The following PRAMEF1 variants were observed in gnomAD, a reference collection of about 807,000 sequenced individuals.
PRAMEF1 encodes the protein PRAME family member 1.
In PRAMEF1, 21 loss-of-function variants were observed where a neutral mutation model predicts 38.2. The ratio of observed to expected loss-of-function variants is 0.55; its 90% confidence interval spans 0.39 to 0.79. The LOEUF (loss-of-function observed/expected upper bound fraction) is 0.79. Among genes scored for constraint, PRAMEF1 ranks in the 30% least tolerant of loss-of-function variants. PRAMEF1 has a pLI of 0.00. For missense variants in PRAMEF1, 497 were observed against 565.8 expected (o/e 0.88, Z 1.23); for synonymous variants, 200 against 229.0 (o/e 0.87, Z 1.14).
chr1:12,795,559 G>T lies in PRAMEF1; in HGVS notation c.988G>T (p.Val330Leu), dbSNP rs781714395. The change falls in exon 4 of 4, where the codon GTG (valine) becomes TTG (leucine). Residue 330 changes from valine (V) to leucine (L), a missense_variant. Physicochemically the swap from Val to Leu is conservative, Grantham distance 32. Transcript: ENST00000332296. The stretch of plus-strand genomic sequence containing the variant: ...CCTAAAGCATCTGAATCTCAGCTAC[G>T]TGCTGCTGTTCCGCATCAGTCTTGA... The part of the protein sequence containing the change: ...GYLKHLNLSY[V>L]LLFRISLEPL... 15 of 1,612,314 alleles carry T rather than the reference G, an allele frequency of 9.3e-6. No homozygotes were observed. The highest frequency in any genetic ancestry group is 1.3e-5 in the African/African-American group (1 of 74,736).
At position 12,794,068 on chromosome 1, in the gene PRAMEF1, A is replaced by T. The variant is rs745441933; in HGVS notation, c.441A>T (p.Leu147Phe). 2 of 1,606,636 alleles carry T rather than the reference A, an allele frequency of 1.2e-6. No individual in the cohort carries two copies. The highest frequency in any genetic ancestry group is 1.7e-6 in the Non-Finnish European group (2 of 1,176,964). Residue 147 changes from leucine to phenylalanine, a missense_variant, in exon 3 of 4, where the codon TTA becomes TTT. Physicochemically the swap from Leu to Phe is conservative, Grantham distance 22. Transcript: ENST00000332296. ...DCPRMGEHQP[L>F]KVFIDICLKE... is the part of the protein sequence containing the mutation. ...CAAGGATGGGAGAGCACCAGCCCTT[A>T]AAGGTGTTCATAGACATCTGCCTCA...
At position 12,794,237 on chromosome 1, in the gene PRAMEF1, C is replaced by G. The variant is rs1063767; in HGVS notation, c.610C>G (p.Leu204Val). 1.7e-5 allele frequency: 28 copies of G among 1,611,520 alleles called. No homozygotes were observed. The highest frequency in any genetic ancestry group is 1.6e-4 in the Middle Eastern group (1 of 6,064). ...YLRKSLKIIY[L>V]NSIQELEIRN... Reference sequence around the variant, plus strand: ...CAGAAAGTCATTGAAAATAATATACCTGAATAGTATTCAAGAGCTGGAAAT... The same window carrying G: ...CAGAAAGTCATTGAAAATAATATACGTGAATAGTATTCAAGAGCTGGAAAT... The change falls in exon 3 of 4, where the codon CTG becomes GTG. Residue 204 changes from leucine to valine, a missense_variant. This residue lies in a region of PRAMEF1 where 470 missense variants were observed against 501.9 expected (regional missense o/e 0.94). Coordinates refer to ENST00000332296, the MANE Select transcript of PRAMEF1 (RefSeq NM_023013.4).
At position 12,792,016 on chromosome 1, in the gene PRAMEF1, C is replaced by T. The variant is rs145143799; in HGVS notation, c.-26+542C>T. ...CTAGAATAGCATGGTAGCACTTTTA[C>T]GGTTTCTGGTTAATTTTTTTTTTCA... On this transcript the variant is annotated intron_variant, in intron 1 of 3. Transcript: ENST00000332296. Among the ~76,000 whole-genome samples the T allele has an allele frequency of 3.5e-3, 521 of 150,978 alleles. 13 individuals are homozygous for T. Among genetic ancestry groups the T allele is most frequent in the African/African-American group, 0.011 (465 of 41,244 alleles).
rs1254537251 is a variant in PRAMEF1, at chr1:12,793,973, T to C, written c.346T>C (p.Trp116Arg). The change falls in exon 3 of 4, where the codon TGG becomes CGG. Residue 116 changes from tryptophan (W) to arginine (R), a missense_variant. By Grantham distance (101) the Trp-to-Arg change is moderately radical. This residue lies in a region of PRAMEF1 where 470 missense variants were observed against 501.9 expected (regional missense o/e 0.94). Transcript: ENST00000332296. ...RDVDENFWAR[W>R]PGAWALSCFP... The stretch of plus-strand genomic sequence containing the variant: ...TGTTGACGAGAATTTCTGGGCCAGA[T>C]GGCCTGGAGCCTGGGCCCTGTCCTG... 4 of 1,608,826 alleles carry C rather than the reference T, an allele frequency of 2.5e-6. No individual in the cohort carries two copies. Among genetic ancestry groups the C allele is most frequent in the East Asian group, 2.2e-5 (1 of 44,472 alleles).
chr1:12,794,112 A>G lies in PRAMEF1; in HGVS notation c.485A>G (p.Glu162Gly), dbSNP rs2100299183. Residue 162 changes from glutamate to glycine, a missense_variant, in exon 3 of 4, where the codon GAA becomes GGA. Transcript: ENST00000332296. ...TGCCTCAAGGAAATACCCCAGGATG[A>G]ATGCCTGAGATACCTCTTCCAGTGG... ...DICLKEIPQD[E>G]CLRYLFQWVY... is the part of the protein sequence containing the mutation. 1 of 1,609,928 alleles carries G rather than the reference A, an allele frequency of 6.2e-7. No homozygotes were observed. The highest frequency in any genetic ancestry group is 2.2e-5 in the East Asian group (1 of 44,596).
rs1461210570 is a variant in PRAMEF1, at chr1:12,794,935, C to G, written c.866+442C>G. On this transcript the variant is annotated intron_variant, in intron 3 of 3. Coordinates refer to ENST00000332296, the MANE Select transcript of PRAMEF1 (RefSeq NM_023013.4). Reference sequence around the variant, plus strand: ...CACGAATGATCCTGTCTCTGATTCCCTGTTTGTAAAAGGTTGTTTTGAACT... The same window carrying G: ...CACGAATGATCCTGTCTCTGATTCCGTGTTTGTAAAAGGTTGTTTTGAACT... 3 of 1,324,800 alleles carry G rather than the reference C, an allele frequency of 2.3e-6. 1 individual carries two copies. In the East Asian group the frequency reaches 1.5e-4, roughly 68 times the overall value. The allele number at this position is 1,324,800 out of a possible 1,614,324, so 82.1% of individuals were successfully genotyped here. A position where few individuals can be genotyped will look rare whatever the true frequency, so the allele number is the denominator to read the frequency against.
chr1:12,794,840 T>C, intron 3 of PRAMEF1: 1 of 1,332,632 alleles, frequency 7.5e-7, no homozygotes, highest in Non-Finnish European at 9.9e-7. Context: ...GAGGAGGGTA[T>C]GAAAGGAGGG....
chr1:12,793,777 G>A (rs1444347466), intron 2 of PRAMEF1, 138 bp from the exon 3 acceptor site: 2 of 1,413,634 alleles, frequency 1.4e-6, no homozygotes, highest in Non-Finnish European at 1.9e-6. Flanking sequence ...AGAATCAAAA[G>A]GGAACAGGGA....
chr1:12,795,923 T>C lies in PRAMEF1; in HGVS notation c.1352T>C (p.Phe451Ser). Reference protein sequence around the residue: ...LREVRQPKRIFIGPTPCPSCG... With the variant: ...LREVRQPKRISIGPTPCPSCG... ...GAAGTCAGGCAGCCCAAGAGGATCT[T>C]CATTGGCCCCACCCCCTGCCCTTCC... Residue 451 changes from phenylalanine (F) to serine (S), a missense_variant, in exon 4 of 4, where the codon TTC (phenylalanine) becomes TCC (serine). Around this residue, in one of 2 missense-constraint regions of PRAMEF1, gnomAD observed 27 missense variants for 63.9 expected, o/e 0.42. Coordinates refer to ENST00000332296, the MANE Select transcript of PRAMEF1 (RefSeq NM_023013.4). 1.2e-6 allele frequency: 2 copies of C among 1,610,890 alleles called. No individual in the cohort carries two copies. The highest frequency in any genetic ancestry group is 1.7e-6 in the Non-Finnish European group (2 of 1,179,640).
chr1:12,794,331 G>T lies in PRAMEF1; in HGVS notation c.704G>T (p.Arg235Leu), dbSNP rs767221045. ...TACCTGAAGGAGATGAAGAATCTTC[G>T]CAAACTCGTTTTCTCCAGGTGCCAT... ...RCYLKEMKNL[R>L]KLVFSRCHHY... The change falls in exon 3 of 4, where the codon CGC becomes CTC. Residue 235 changes from arginine to leucine, a missense_variant. Physicochemically the swap from Arg to Leu is moderately radical, Grantham distance 102. Around this residue, in one of 2 missense-constraint regions of PRAMEF1, gnomAD observed 470 missense variants for 501.9 expected, o/e 0.94. Transcript: ENST00000332296. 1 of 1,611,988 alleles carries T rather than the reference G, an allele frequency of 6.2e-7. No homozygotes were observed. Among genetic ancestry groups the T allele is most frequent in the Non-Finnish European group, 8.5e-7 (1 of 1,179,058 alleles).
chr1:12,791,716 A>C lies in PRAMEF1; in HGVS notation c.-26+242A>C, dbSNP rs534913291. ...CAGGTTTTTTAAAAATATATTAAAA[A>C]TTTACAGTGACATGAATTTTTATTT... is the stretch of plus-strand genomic sequence containing the variant. On this transcript the variant is annotated intron_variant, in intron 1 of 3. Coordinates refer to ENST00000332296, the MANE Select transcript of PRAMEF1 (RefSeq NM_023013.4). Among the ~76,000 whole-genome samples, 1,509 of 151,208 alleles carry C rather than the reference A, an allele frequency of 1.0e-2. 18 individuals are homozygous for C. The highest frequency in any genetic ancestry group is 0.015 in the Non-Finnish European group (991 of 67,674).
chr1:12,793,442 C>T lies in PRAMEF1; in HGVS notation c.215C>T (p.Thr72Met), dbSNP rs149382773. 2.3e-5 allele frequency: 37 copies of T among 1,609,708 alleles called. 1 individual carries two copies. Among genetic ancestry groups the T allele is most frequent in the South Asian group, 9.9e-5 (9 of 90,502 alleles). Residue 72 changes from threonine to methionine, a missense_variant, in exon 2 of 4, where the codon ACG becomes ATG. Coordinates refer to ENST00000332296, the MANE Select transcript of PRAMEF1 (RefSeq NM_023013.4). The stretch of plus-strand genomic sequence containing the variant: ...CTCCCTCTGGGATCACTGATGAAGA[C>T]GCTTCATTTGGAGACCTTAAAAGCA... ...TCLPLGSLMKTLHLETLKALL... is the reference protein window; with the variant it reads ...TCLPLGSLMKMLHLETLKALL...
chr1:12,794,483 C>G lies in PRAMEF1; in HGVS notation c.856C>G (p.Gln286Glu), dbSNP rs890309382. 3.7e-6 allele frequency: 6 copies of G among 1,610,082 alleles called. No homozygotes were observed. Among genetic ancestry groups the G allele is most frequent in the African/African-American group, 2.7e-5 (2 of 74,706 alleles). ...LITFFSGHLE[Q>E]LIRCLQNPLE... The stretch of plus-strand genomic sequence containing the variant: ...CACCTTCTTCAGTGGGCACCTGGAA[C>G]AGCTGATCAGGTGAGAAAGGATCAT... The change falls in exon 3 of 4, where the codon CAG (glutamine) becomes GAG (glutamate). Residue 286 changes from glutamine (Q) to glutamate (E), a missense_variant. Gln to Glu is a conservative substitution (Grantham distance 29, BLOSUM62 2). Around this residue, in one of 2 missense-constraint regions of PRAMEF1, gnomAD observed 470 missense variants for 501.9 expected, o/e 0.94. Transcript: ENST00000332296.
In PRAMEF1 at chr1:12,794,383, A is replaced by G. The variant is rs1446404664; in HGVS notation, c.756A>G (p.Glu252=). The part of the protein sequence containing the change: ...CHHYTSDNEL[E]GRLVAKFSSV... ...ATTACACGTCAGATAATGAACTCGA[A>G]GGACGGTTAGTTGCCAAATTCAGCT... is the stretch of plus-strand genomic sequence containing the variant. Residue 252 remains glutamate, a synonymous_variant, in exon 3 of 4, where the codon GAA becomes GAG. Coordinates refer to ENST00000332296, the MANE Select transcript of PRAMEF1 (RefSeq NM_023013.4). 3.7e-6 allele frequency: 6 copies of G among 1,611,460 alleles called. No individual in the cohort carries two copies. The highest frequency in any genetic ancestry group is 2.2e-5 in the East Asian group (1 of 44,564).
chr1:12,792,609 G>A (rs2359501), intron 1 of PRAMEF1, among the ~76,000 whole-genome samples: 1 of 150,788 alleles, frequency 6.6e-6, no homozygotes. Context: ...CAGAGTCCAA[G>A]TCTGTCACCC....
chr1:12,791,639 A>C (rs377532694), intron 1 of PRAMEF1, among the ~76,000 whole-genome samples, 165 bp downstream of exon 1: 52 of 147,618 alleles, frequency 3.5e-4, no homozygotes, highest in South Asian at 1.1e-3. Flanking sequence ...GTCTTCATCC[A>C]TCAAATTGTG....
In PRAMEF1 at chr1:12,796,161, G is replaced by T; in HGVS notation, c.*165G>T. Reference sequence around the variant, plus strand: ...AGACAATTTGAGACAGGGTTTCGCTGTGTTGCTCCAGCTGGTCTCAAACTG... The same window carrying T: ...AGACAATTTGAGACAGGGTTTCGCTTTGTTGCTCCAGCTGGTCTCAAACTG... On this transcript the variant is annotated 3_prime_UTR_variant, in exon 4 of 4. Coordinates refer to ENST00000332296, the MANE Select transcript of PRAMEF1 (RefSeq NM_023013.4). 1 of 1,286,930 alleles carries T rather than the reference G, an allele frequency of 7.8e-7. No individual in the cohort carries two copies. Among genetic ancestry groups the T allele is most frequent in the Non-Finnish European group, 1.0e-6 (1 of 962,836 alleles). 79.7% of individuals were successfully genotyped at this position (1,286,930 alleles called of 1,614,324 possible). A position where few individuals can be genotyped will look rare whatever the true frequency, so the allele number is the denominator to read the frequency against.
intron 1 of PRAMEF1, among the ~76,000 whole-genome samples, chr1:12,792,069 C>T (rs574805078): frequency 5.3e-5 from 8 of 151,112 alleles, no homozygotes; most frequent in African/African-American, 1.9e-4. Context: ...GTTGCCCAGG[C>T]TGCAGTGCCA....
At position 12,795,654 on chromosome 1, in the gene PRAMEF1, C is replaced by T. The variant is rs147955747; in HGVS notation, c.1083C>T (p.Ile361=). The T allele has an allele frequency of 1.2e-6, 2 of 1,611,244 alleles. No individual in the cohort carries two copies. The highest frequency in any genetic ancestry group is 3.3e-5 in the Admixed American group (2 of 59,874). Residue 361 remains isoleucine (I), a synonymous_variant, in exon 4 of 4, where the codon ATC becomes ATT. Transcript: ENST00000332296. ...LKTLILEGCQ[I]HYSQLSAILP... is the part of the protein sequence containing the mutation. ...CCCTCATCTTGGAGGGCTGTCAGAT[C>T]CACTACTCCCAACTCAGTGCCATCC...
Sources: allele counts gnomAD v4.1 joint callset (sites outside exome capture counted in the v4.1 genomes callset), GRCh38; gene constraint gnomAD v4.1.1; regional missense constraint gnomAD v4.1.1; transcripts MANE v1.5; gene names NCBI Gene and HGNC (gene_info 2026-07-23, HGNC 2026-07-21).